Variants in RBBP8 observed in about 807,000 individuals in gnomAD.
The protein encoded by RBBP8 is RB binding protein 8, endonuclease, also known as DNA endonuclease RBBP8.
In RBBP8, 88 loss-of-function variants were observed where a neutral mutation model predicts 108.3. That is an observed-to-expected ratio of 0.81 (90% CI 0.68 to 0.97). RBBP8 has a LOEUF of 0.97. Ranked by LOEUF, RBBP8 falls within the 50% of genes least tolerant of loss-of-function variation. The probability of loss-of-function intolerance (pLI) is 0.00; values close to 1 mark genes in which losing one functional copy is unlikely to be tolerated. For synonymous variants in RBBP8, 332 were observed against 348.2 expected, an observed-to-expected ratio of 0.95 and a Z score of 0.52; for missense variants, 1,023 against 1,049.0, an observed-to-expected ratio of 0.98 and a Z score of 0.34.
At chr18:22,958,067 C>T (rs1025617202) in intron 4 of RBBP8, among the ~76,000 whole-genome samples, 4 of 152,192 alleles carry the variant, frequency 2.6e-5, no homozygotes, top group African/African-American at 9.7e-5. Flanking sequence ...CTTACCCTTT[C>T]CTCTATCACT....
chr18:22,937,485 CTT>C (rs781096985), intron 2 of RBBP8, among the ~76,000 whole-genome samples: 1 of 142,506 alleles, frequency 7.0e-6, no homozygotes, highest in Non-Finnish European at 1.5e-5. Context: ...TCAAAGATAT[CTT>C]TTTTTTTTTT....
upstream of RBBP8, chr18:22,929,493 T>C (rs912916121): frequency 4.4e-5 from 1 of 22,476 alleles, no homozygotes; most frequent in Non-Finnish European, 1.0e-4. Flanking sequence ...TGTGTGTGTG[T>C]GTGTGTGTGT....
rs368245935 is a variant in RBBP8 at position 22,942,907 on chromosome 18, A to G, written c.110-3537A>G. Among the ~76,000 whole-genome samples, 314 of 152,176 alleles carry G rather than the reference A, an allele frequency of 2.1e-3. 1 individual carries two copies. The highest frequency in any genetic ancestry group is 6.8e-3 in the Middle Eastern group (2 of 294). The stretch of plus-strand genomic sequence containing the variant: ...CGTCTGCTATTAACATCTAGCTAAT[A>G]TATTTTCTGTGTCTAGTAAATATGG... On this transcript the variant is annotated intron_variant, in intron 2 of 18. Coordinates refer to ENST00000327155, the MANE Select transcript of RBBP8 (RefSeq NM_002894.3).
At chr18:22,976,393 G>C (rs78156688) in intron 6 of RBBP8, among the ~76,000 whole-genome samples, 5,429 of 152,192 alleles carry the variant, frequency 0.036, 169 homozygotes, top group East Asian at 0.082. Context: ...ACAGGACACA[G>C]ATCCACAATC....
intron 6 of RBBP8, 82 bp downstream of exon 6, chr18:22,975,301 C>T: frequency 1.3e-6 from 2 of 1,543,896 alleles, no homozygotes; most frequent in Non-Finnish European, 1.8e-6. Flanking sequence ...TTGCAGATTT[C>T]ATTTTAAAAA....
intron 1 of RBBP8, among the ~76,000 whole-genome samples, chr18:22,936,360 C>T (rs1910580915): frequency 6.6e-6 from 1 of 152,048 alleles, no homozygotes; most frequent in African/African-American, 2.4e-5. Flanking sequence ...CCTCAGCCTC[C>T]CAAAGAGCTA....
chr18:22,925,232 A>T lies in RBBP8; in HGVS notation c.-153-4151A>T, dbSNP rs376227232. On this transcript the variant is annotated intron_variant, in intron 3 of 4. Transcript: ENST00000577588. The stretch of plus-strand genomic sequence containing the variant: ...TCCACAAAAACAAACTGTCACCAAG[A>T]GTATGAACTGAATTAAAACACAATT... Among the ~76,000 whole-genome samples the T allele has an allele frequency of 9.8e-4, 149 of 152,312 alleles. 4 individuals carry two copies. In the South Asian group the frequency reaches 0.028, roughly 29 times the overall value.
rs776152673 is a variant in RBBP8 at position 23,022,237 on chromosome 18, G to T, written c.2563G>T (p.Gly855Cys). The T allele has an allele frequency of 6.2e-7, 1 of 1,612,538 alleles. No homozygotes were observed. Among genetic ancestry groups the T allele is most frequent in the South Asian group, 1.1e-5 (1 of 91,040 alleles). ...CACACCAGAGAATTTTTGGGAAGTT[G>T]GTTTTCCTTCCACTCAGACTTGTAT... Reference protein sequence around the residue: ...PNTPENFWEVGFPSTQTCMER... With the variant: ...PNTPENFWEVCFPSTQTCMER... The change falls in exon 18 of 19, where the codon GGT (glycine) becomes TGT (cysteine). Residue 855 changes from glycine to cysteine, a missense_variant. By Grantham distance (159) the Gly-to-Cys change is radical. Transcript: ENST00000327155.
At chr18:22,940,220 A>G (rs1283752339) in intron 2 of RBBP8, among the ~76,000 whole-genome samples, 2 of 151,972 alleles carry the variant, frequency 1.3e-5, no homozygotes, top group Non-Finnish European at 1.5e-5. Context: ...TAGGTAATGC[A>G]TTGAATCTGT....
Position 22,968,883 on chromosome 18 carries a change from T to G in RBBP8, c.326T>G (p.Ile109Ser). The G allele has an allele frequency of 1.2e-6, 2 of 1,613,294 alleles. No individual in the cohort carries two copies. Among genetic ancestry groups the G allele is most frequent in the Non-Finnish European group, 1.7e-6 (2 of 1,179,424 alleles). ...AAAAAACAGCAAGAGTTTGAAAATA[T>G]CCGGCAGCAGAATCTTAAACTTATT... ...MRKKQQEFEN[I>S]RQQNLKLITE... is the part of the protein sequence containing the mutation. Residue 109 changes from isoleucine to serine, a missense_variant, in exon 5 of 19, where the codon ATC (isoleucine) becomes AGC (serine). Transcript: ENST00000327155.
At chr18:23,017,670 T>C (rs1294264442) in intron 17 of RBBP8, among the ~76,000 whole-genome samples, 1 of 151,508 alleles carries the variant, frequency 6.6e-6, no homozygotes, top group African/African-American at 2.4e-5. Flanking sequence ...AAAAAAATTA[T>C]TTTTACCAAC....
chr18:23,023,977 G>A (rs937540093), intron 18 of RBBP8, among the ~76,000 whole-genome samples: 2 of 140,478 alleles, frequency 1.4e-5, no homozygotes, highest in African/African-American at 5.4e-5. Context: ...AGGTTCAAGC[G>A]ATTTTCCTGC....
chr18:22,957,387 T>C (rs1397906432), intron 4 of RBBP8, among the ~76,000 whole-genome samples: 1 of 145,944 alleles, frequency 6.9e-6, no homozygotes, highest in East Asian at 2.2e-4. Flanking sequence ...TTTACAGCAC[T>C]GAGCACATTG....
At chr18:22,950,113 CTTCT>C (rs888798941) in intron 4 of RBBP8, 8 of 171,610 alleles carry the variant, frequency 4.7e-5, no homozygotes, top group African/African-American at 1.9e-4. Flanking sequence ...GTCTAGGGAT[CTTCT>C]TTCTGAGTAT....
intron 3 of RBBP8, among the ~76,000 whole-genome samples, chr18:22,947,585 A>T (rs1253403026): frequency 6.6e-6 from 1 of 152,090 alleles, no homozygotes; most frequent in Non-Finnish European, 1.5e-5. Flanking sequence ...AATGATACTG[A>T]GTTTTTAGTA....
intron 4 of RBBP8, 66 bp downstream of exon 4, chr18:22,949,779 T>A: frequency 8.3e-7 from 1 of 1,200,364 alleles, no homozygotes; most frequent in South Asian, 1.2e-5. Context: ...ACATTGACTT[T>A]CATTTGTAAT....
chr18:22,997,627 G>C lies in RBBP8; in HGVS notation c.2036G>C (p.Ser679Thr), dbSNP rs200739151. ...TTTAAAATATTTATTTAGGATGGCAGTCAGTCAAAATTAGGAGGAGAGACA... is the reference window on the plus strand; with the variant it reads ...TTTAAAATATTTATTTAGGATGGCACTCAGTCAAAATTAGGAGGAGAGACA... Reference protein sequence around the residue: ...DVTVIDTKDGSQSKLGGETVD... With the variant: ...DVTVIDTKDGTQSKLGGETVD... The change falls in exon 14 of 19, where the codon AGT (serine) becomes ACT (threonine). Residue 679 changes from serine (S) to threonine (T), a missense_variant. Physicochemically the swap from Ser to Thr is moderately conservative, Grantham distance 58. Coordinates refer to ENST00000327155, the MANE Select transcript of RBBP8 (RefSeq NM_002894.3). 34 of 1,591,176 alleles carry C rather than the reference G, an allele frequency of 2.1e-5. No homozygotes were observed. The highest frequency in any genetic ancestry group is 2.8e-5 in the Non-Finnish European group (33 of 1,162,998).
chr18:22,996,862 C>T (rs112438140), intron 13 of RBBP8, among the ~76,000 whole-genome samples: 2,839 of 152,100 alleles, frequency 0.019, 89 homozygotes, highest in African/African-American at 0.063. Context: ...CTGGGCATGG[C>T]AGTGCATACC....
chr18:23,016,053 G>A (rs570654893), intron 16 of RBBP8, among the ~76,000 whole-genome samples: 14 of 152,128 alleles, frequency 9.2e-5, no homozygotes, highest in African/African-American at 3.4e-4. Flanking sequence ...GGGATTACAG[G>A]CCTGTGCCAC....
Sources: gnomAD v4.1 joint callset for allele counts (sites outside exome capture counted in the v4.1 genomes callset) on GRCh38, gnomAD v4.1.1 for gene constraint, MANE v1.5 for transcripts, NCBI Gene and HGNC (gene_info 2026-07-23, HGNC 2026-07-21) for gene names.